Variants in WNT7A observed in about 807,000 individuals in gnomAD.
WNT7A encodes the protein Wnt family member 7A.
WNT7A carries 16 observed loss-of-function variants against 28.2 expected under a neutral mutation model. The ratio of observed to expected loss-of-function variants is 0.57; its 90% CI spans 0.38 to 0.86. WNT7A has a LOEUF of 0.86. Among genes scored for constraint, WNT7A ranks in the 40% least tolerant of loss-of-function variants. The probability of loss-of-function intolerance (pLI) is 0.00; values close to 1 mark genes in which losing one functional copy is unlikely to be tolerated. For synonymous variants in WNT7A, 190 were observed against 195.9 expected, an observed-to-expected ratio of 0.97 and a Z score of 0.25; for missense variants, 411 against 489.7, an observed-to-expected ratio of 0.84 and a Z score of 1.52.
At chr3:13,820,042 T>C (rs928861343) in intron 3 of WNT7A, among the ~76,000 whole-genome samples, 1 of 152,236 alleles carries the variant, frequency 6.6e-6, no homozygotes, top group African/African-American at 2.4e-5. Context: ...CTCACTTTTC[T>C]TCCTTCCTTC....
At chr3:13,864,096 C>T (rs1302276532) in intron 2 of WNT7A, among the ~76,000 whole-genome samples, 3 of 152,050 alleles carry the variant, frequency 2.0e-5, no homozygotes, top group Non-Finnish European at 4.4e-5. Flanking sequence ...AACAGGAGGT[C>T]GTGAGCATGT....
chr3:13,822,839 C>A (rs1694134414), intron 3 of WNT7A, among the ~76,000 whole-genome samples: 1 of 152,168 alleles, frequency 6.6e-6, no homozygotes, highest in African/African-American at 2.4e-5. Flanking sequence ...AGGGCTACTA[C>A]CGTGGTGGGC....
intron 3 of WNT7A, among the ~76,000 whole-genome samples, chr3:13,840,906 T>C (rs1694446848): frequency 6.6e-6 from 1 of 152,188 alleles, no homozygotes; most frequent in South Asian, 2.1e-4. Flanking sequence ...GCTCCTATCC[T>C]GGGGTCCCAT....
At chr3:13,875,373 T>C (rs1695096062) in intron 1 of WNT7A, among the ~76,000 whole-genome samples, 200 bp from the exon 2 acceptor site, 1 of 152,218 alleles carries the variant, frequency 6.6e-6, no homozygotes, top group Admixed American at 6.5e-5. Flanking sequence ...TCAATGCGTA[T>C]ACCCAATATC....
chr3:13,843,302 C>T (rs1694491542), intron 3 of WNT7A, among the ~76,000 whole-genome samples: 1 of 152,164 alleles, frequency 6.6e-6, no homozygotes. Context: ...ACTCATCATG[C>T]CTGAGAGCGT....
chr3:13,863,369 T>C (rs1012618584), intron 2 of WNT7A, among the ~76,000 whole-genome samples: 2 of 152,114 alleles, frequency 1.3e-5, no homozygotes, highest in African/African-American at 4.8e-5. Context: ...AACAGTTGAA[T>C]GAATGAATGA....
At chr3:13,825,504 TCTGAG>T (rs1403434427) in intron 3 of WNT7A, among the ~76,000 whole-genome samples, 1 of 152,198 alleles carries the variant, frequency 6.6e-6, no homozygotes, top group Non-Finnish European at 1.5e-5. Context: ...TTTCCCAATT[TCTGAG>T]GAATAAATTA....
chr3:13,853,218 T>A (rs577712718), intron 3 of WNT7A, among the ~76,000 whole-genome samples: 1 of 152,300 alleles, frequency 6.6e-6, no homozygotes, highest in Non-Finnish European at 1.5e-5. Flanking sequence ...CCCAGGCCTC[T>A]GTCCTCGGTA....
At chr3:13,821,309 T>G (rs1232810315) in intron 3 of WNT7A, among the ~76,000 whole-genome samples, 1 of 152,196 alleles carries the variant, frequency 6.6e-6, no homozygotes, top group Non-Finnish European at 1.5e-5. Flanking sequence ...CCTGGAGCCC[T>G]CAGACACTGC....
At chr3:13,832,443 TCTC>T (rs746867422) in intron 3 of WNT7A, among the ~76,000 whole-genome samples, 13 of 134,998 alleles carry the variant, frequency 9.6e-5, no homozygotes, top group Non-Finnish European at 1.4e-4. Flanking sequence ...TTCTCAAGCT[TCTC>T]CTTCTTCCCA....
rs544948271 is a variant in WNT7A at position 13,819,433 on chromosome 3, A to T, written c.571-10T>A. On this transcript the variant is annotated splice_polypyrimidine_tract_variant and intron_variant, in intron 3 of 3. Transcript: ENST00000285018. ...TGTTCTCCTCCAGGATCTGCAGGGG[A>T]GGGCGGGGAAGAGCACAGCACAGGT... The T allele has an allele frequency of 6.2e-7, 1 of 1,610,704 alleles. No individual in the cohort carries two copies. Among genetic ancestry groups the T allele is most frequent in the South Asian group, 1.1e-5 (1 of 91,016 alleles).
chr3:13,868,621 A>AG (rs1694955499), intron 2 of WNT7A, among the ~76,000 whole-genome samples: 1 of 29,952 alleles, frequency 3.3e-5, no homozygotes, highest in Non-Finnish European at 6.9e-5. Context: ...AGAGAGAGAG[A>AG]GAAAGAAAGA....
chr3:13,856,956 GAA>G lies in WNT7A; in HGVS notation c.299-2155_299-2154del, dbSNP rs1559303342. Among the ~76,000 whole-genome samples the G allele has an allele frequency of 5.9e-4, 74 of 124,796 alleles. 1 individual carries two copies. The highest frequency in any genetic ancestry group is 1.1e-3 in the African/African-American group (28 of 26,196). 81.9% of individuals were successfully genotyped at this position (124,796 alleles called of 152,430 possible). On this transcript the variant is annotated intron_variant, in intron 2 of 3. Transcript: ENST00000285018. ...AGAAGAAGAAGAAGAAGAAGAAGAA[GAA>G]GAAGAAGAAGGAGAAGAAGAAGAAG...
chr3:13,824,079 T>A (rs1397882843), intron 3 of WNT7A, among the ~76,000 whole-genome samples: 1 of 152,222 alleles, frequency 6.6e-6, no homozygotes, highest in Non-Finnish European at 1.5e-5. Flanking sequence ...CTTTCTTTTT[T>A]AAAACAGCTT....
chr3:13,867,240 T>C (rs1251947878), intron 2 of WNT7A, among the ~76,000 whole-genome samples: 1 of 152,142 alleles, frequency 6.6e-6, no homozygotes, highest in Non-Finnish European at 1.5e-5. Flanking sequence ...CTTAAAGTCA[T>C]CTGCAAGGTA....
At chr3:13,868,583 AGAGAGAGGG>A (rs1559306897) in intron 2 of WNT7A, among the ~76,000 whole-genome samples, 297 of 17,262 alleles carry the variant, frequency 0.017, 51 homozygotes, top group African/African-American at 0.079. Context: ...AGAGAGAGAG[AGAGAGAGGG>A]AGAAAGAAAG....
At chr3:13,865,709 G>A (rs1001755633) in intron 2 of WNT7A, among the ~76,000 whole-genome samples, 3 of 152,168 alleles carry the variant, frequency 2.0e-5, no homozygotes, top group African/African-American at 7.2e-5. Flanking sequence ...GAGCAACTGG[G>A]GCCACACAAG....
At chr3:13,853,904 C>T (rs973449288) in intron 3 of WNT7A, among the ~76,000 whole-genome samples, 2 of 152,126 alleles carry the variant, frequency 1.3e-5, no homozygotes, top group African/African-American at 2.4e-5. Context: ...AGGAGGGAGC[C>T]TGGGACCTGG....
chr3:13,824,138 C>T (rs926417127), intron 3 of WNT7A, among the ~76,000 whole-genome samples: 6 of 152,184 alleles, frequency 3.9e-5, no homozygotes, highest in African/African-American at 1.4e-4. Flanking sequence ...CAAAAGTGTA[C>T]AATTCAATGG....
Sources: allele counts gnomAD v4.1 joint callset (sites outside exome capture counted in the v4.1 genomes callset), GRCh38; gene constraint gnomAD v4.1.1; transcripts MANE v1.5; gene names NCBI Gene and HGNC (gene_info 2026-07-23, HGNC 2026-07-21).